LENG1: variants seen among roughly 807,000 people sequenced by gnomAD.
The protein encoded by LENG1 is leukocyte receptor cluster (LRC) member 1.
In LENG1, 35 loss-of-function variants were observed where a neutral mutation model predicts 28.8. The ratio of observed to expected loss-of-function variants is 1.22; its 90% CI spans 0.93 to 1.61. LENG1 has a LOEUF of 1.61. LENG1 is among the 40% of genes most tolerant of loss of function. LENG1 has a pLI of 0.00. For synonymous variants in LENG1, 170 were observed against 140.6 expected (o/e 1.21, Z -1.48); for missense variants, 404 against 348.9 (o/e 1.16, Z -1.26).
chr19:54,157,358 T>C (rs1258456523), intron 2 of LENG1, among the ~76,000 whole-genome samples: 4 of 152,106 alleles, frequency 2.6e-5, no homozygotes, highest in African/African-American at 9.7e-5. Context: ...AGCAGATAAA[T>C]GACAAGAGCT....
chr19:54,157,757 G>A (rs189120916), intron 2 of LENG1, among the ~76,000 whole-genome samples: 41 of 152,124 alleles, frequency 2.7e-4, no homozygotes, highest in African/African-American at 9.2e-4. Context: ...ATGGGGTCTC[G>A]CTCTGTCACC....
chr19:54,156,011 A>C (rs1440907167), intron 3 of LENG1, 71 bp from the exon 4 acceptor site: 1 of 1,388,014 alleles, frequency 7.2e-7, no homozygotes, highest in Non-Finnish European at 9.8e-7. Context: ...TCTCCCATAG[A>C]GGGAGCTGCC....
At chr19:54,156,042 C>T in intron 3 of LENG1, 102 bp from the exon 4 acceptor site, 1 of 998,434 alleles carries the variant, frequency 1.0e-6, no homozygotes, top group Non-Finnish European at 1.5e-6. Context: ...CCCGCTGCAT[C>T]CAGCACACCC....
rs756418210 is a variant in LENG1, at chr19:54,156,822, A to G, written c.516T>C (p.Gly172=). 18 of 1,488,786 alleles carry G rather than the reference A, an allele frequency of 1.2e-5. No individual in the cohort carries two copies. In the South Asian group the frequency reaches 1.2e-4, roughly 10 times the overall value. 92.2% of individuals were successfully genotyped at this position (1,488,786 alleles called of 1,614,324 possible). Residue 172 remains glycine (G), a synonymous_variant, in exon 3 of 4, where the codon GGT becomes GGC. Transcript: ENST00000222224. The part of the protein sequence containing the change: ...KHLGKKRQHG[G]DEGSRSRKEK... ...CCTTTCTGCTGCGACTGCCTTCATC[A>G]CCGCCGTGCTGTCTCTTCTTCCCCA...
In LENG1 at chr19:54,155,632, A is replaced by T; in HGVS notation, c.*89T>A. On this transcript the variant is annotated 3_prime_UTR_variant, in exon 4 of 4. Coordinates refer to ENST00000222224, the MANE Select transcript of LENG1 (RefSeq NM_024316.3). The stretch of plus-strand genomic sequence containing the variant: ...TCCCCAGTGAGGGACATTTTTTGGT[A>T]AACCTATTTTCATTTTGGAAAATAT... The T allele has an allele frequency of 1.5e-6, 2 of 1,324,692 alleles. No homozygotes were observed. Among genetic ancestry groups the T allele is most frequent in the East Asian group, 2.5e-5 (1 of 39,780 alleles). 82.1% of individuals were successfully genotyped at this position (1,324,692 alleles called of 1,614,324 possible).
chr19:54,155,824 G>C lies in LENG1; in HGVS notation c.692C>G (p.Pro231Arg), dbSNP rs375647598. The part of the protein sequence containing the change: ...VQGRALQEGQ[P>R]EEDETDDRRR... ...CCGGTCATCCGTCTCGTCTTCTTCC[G>C]GCTGACCCTCCTGTAGTGCCCGGCC... The change falls in exon 4 of 4, where the codon CCG becomes CGG. Residue 231 changes from proline to arginine, a missense_variant. Physicochemically the swap from Pro to Arg is moderately radical, Grantham distance 103. Coordinates refer to ENST00000222224, the MANE Select transcript of LENG1 (RefSeq NM_024316.3). The C allele has an allele frequency of 2.5e-6, 4 of 1,612,506 alleles. No homozygotes were observed. Among genetic ancestry groups the C allele is most frequent in the Non-Finnish European group, 2.5e-6 (3 of 1,179,822 alleles).
At position 54,156,801 on chromosome 19, in the gene LENG1, T is replaced by A; in HGVS notation, c.537A>T (p.Arg179Ser). The A allele has an allele frequency of 6.2e-7, 1 of 1,613,888 alleles. No individual in the cohort carries two copies. The highest frequency in any genetic ancestry group is 8.5e-7 in the Non-Finnish European group (1 of 1,179,874). Residue 179 changes from arginine to serine, a missense_variant, in exon 3 of 4, where the codon AGA becomes AGT. Physicochemically the swap from Arg to Ser is moderately radical, Grantham distance 110. Transcript: ENST00000222224. ...QHGGDEGSRS[R>S]KEKEGSEKQR... is the part of the protein sequence containing the mutation. ...GCTTCTCAGACCCCTCCTTTTCCTTTCTGCTGCGACTGCCTTCATCACCGC... is the reference window on the plus strand; with the variant it reads ...GCTTCTCAGACCCCTCCTTTTCCTTACTGCTGCGACTGCCTTCATCACCGC...
At chr19:54,156,732 G>A (rs762877664) in intron 3 of LENG1, 31 bp downstream of exon 3, 17 of 1,584,816 alleles carry the variant, frequency 1.1e-5, no homozygotes, top group Middle Eastern at 1.7e-4. Flanking sequence ...GAAGGTCTGG[G>A]CCCTGGTCTG....
Position 54,155,498 on chromosome 19 carries a change from C to T in LENG1, c.*223G>A. ...CTGCCCTGGAAGACTGGAGGGAGGCCCCAAGCCACGGGGCATCCCCCTCTC... is the reference window on the plus strand; with the variant it reads ...CTGCCCTGGAAGACTGGAGGGAGGCTCCAAGCCACGGGGCATCCCCCTCTC... On this transcript the variant is annotated 3_prime_UTR_variant, in exon 4 of 4. Coordinates refer to ENST00000222224, the MANE Select transcript of LENG1 (RefSeq NM_024316.3). The T allele has an allele frequency of 1.0e-6, 1 of 997,610 alleles. No individual in the cohort carries two copies. The highest frequency in any genetic ancestry group is 1.5e-6 in the Non-Finnish European group (1 of 679,112). The allele number at this position is 997,610 out of a possible 1,614,324, so 61.8% of individuals were successfully genotyped here. A position where few individuals can be genotyped will look rare whatever the true frequency, so the allele number is the denominator to read the frequency against.
chr19:54,157,005 C>T lies in LENG1; in HGVS notation c.333G>A (p.Leu111=), dbSNP rs754684450. The T allele has an allele frequency of 4.5e-6, 7 of 1,554,268 alleles. No homozygotes were observed. The highest frequency in any genetic ancestry group is 5.2e-6 in the Non-Finnish European group (6 of 1,149,508). Residue 111 remains leucine (L), a synonymous_variant, in exon 3 of 4, where the codon CTG becomes CTA. Coordinates refer to ENST00000222224, the MANE Select transcript of LENG1 (RefSeq NM_024316.3). Reference sequence around the variant, plus strand: ...TCTGGCCCAGGTATGTCAGGATGCCCAGAGCTTTCTCTTGCCTCTCCTGAG... The same window carrying T: ...TCTGGCCCAGGTATGTCAGGATGCCTAGAGCTTTCTCTTGCCTCTCCTGAG... ...RQEKERQEKA[L]GILTYLGQSA...
In LENG1 at chr19:54,155,604, C is replaced by T. The variant is rs2075362090; in HGVS notation, c.*117G>A. On this transcript the variant is annotated 3_prime_UTR_variant, in exon 4 of 4. Transcript: ENST00000222224. ...CGGGGGCGAGGGCTGCCCCCTCCTCCCCTCCCCAGTGAGGGACATTTTTTG... is the reference window on the plus strand; with the variant it reads ...CGGGGGCGAGGGCTGCCCCCTCCTCTCCTCCCCAGTGAGGGACATTTTTTG... 1.7e-6 allele frequency: 2 copies of T among 1,161,796 alleles called. No individual in the cohort carries two copies. Among genetic ancestry groups the T allele is most frequent in the Non-Finnish European group, 2.4e-6 (2 of 827,312 alleles). 72.0% of individuals were successfully genotyped at this position (1,161,796 alleles called of 1,614,324 possible).
chr19:54,155,960 G>A lies in LENG1; in HGVS notation c.576-20C>T, dbSNP rs757433340. 2 of 1,590,350 alleles carry A rather than the reference G, an allele frequency of 1.3e-6. No homozygotes were observed. Among genetic ancestry groups the A allele is most frequent in the East Asian group, 4.5e-5 (2 of 44,300 alleles). ...GGAGGCCTGTGGGGAGAGGAGTGAG[G>A]TCAGAAAGCTGGTAGCCCCTAGGAG... is the stretch of plus-strand genomic sequence containing the variant. On this transcript the variant is annotated intron_variant, in intron 3 of 3. Coordinates refer to ENST00000222224, the MANE Select transcript of LENG1 (RefSeq NM_024316.3).
intron 1 of LENG1, among the ~76,000 whole-genome samples, 165 bp downstream of exon 1, chr19:54,159,399 G>A (rs892958285): frequency 9.2e-5 from 14 of 152,248 alleles, no homozygotes; most frequent in African/African-American, 3.4e-4. Flanking sequence ...TCGTGGAAGT[G>A]GGCACAAGGT....
rs765201162 is a variant in LENG1 at position 54,155,934 on chromosome 19, T to C, written c.582A>G (p.Pro194=). 3.6e-5 allele frequency: 58 copies of C among 1,606,746 alleles called. No individual in the cohort carries two copies. The South Asian group carries it at 6.2e-4, about 17-fold the overall frequency. ...GTTCAGCTCGAAGCTGGTCCAGGGATGGAGGCCTGTGGGGAGAGGAGTGAG... is the reference window on the plus strand; with the variant it reads ...GTTCAGCTCGAAGCTGGTCCAGGGACGGAGGCCTGTGGGGAGAGGAGTGAG... The part of the protein sequence containing the change: ...GSEKQRPKEP[P]SLDQLRAERL... The change falls in exon 4 of 4, where the codon CCA becomes CCG. Residue 194 remains proline, a synonymous_variant. Transcript: ENST00000222224.
rs2075354539 is a variant in LENG1 at position 54,155,415 on chromosome 19, C to A, written c.*306G>T. On this transcript the variant is annotated 3_prime_UTR_variant, in exon 4 of 4. Transcript: ENST00000222224. ...GACCGGGACCTCCAGTGACACCGGC[C>A]CCTCCCTCTACCCACCCCCTTCCCC... The A allele has an allele frequency of 5.7e-6, 9 of 1,567,480 alleles. No homozygotes were observed. Among genetic ancestry groups the A allele is most frequent in the Non-Finnish European group, 7.8e-6 (9 of 1,147,346 alleles).
intron 1 of LENG1, among the ~76,000 whole-genome samples, chr19:54,159,089 C>G (rs1234052212): frequency 6.6e-6 from 1 of 152,242 alleles, no homozygotes. Context: ...TAAAATGTGC[C>G]TTCCCCTCAC....
intron 3 of LENG1, among the ~76,000 whole-genome samples, 162 bp from the exon 4 acceptor site, chr19:54,156,102 G>A (rs1355943053): frequency 6.6e-6 from 1 of 152,214 alleles, no homozygotes; most frequent in African/African-American, 2.4e-5. Context: ...GTGCTGGGAC[G>A]CCATGGGCAC....
In LENG1 at chr19:54,155,813, C is replaced by A. The variant is rs757171818; in HGVS notation, c.703G>T (p.Glu235Ter). Residue 235 changes from glutamate (E) to a stop codon, truncating the protein, a stop_gained, in exon 4 of 4, where the codon GAG (glutamate) becomes TAG (stop). Transcript: ENST00000222224. LOFTEE classifies it high-confidence loss of function. ...ALQEGQPEED[E>*]TDDRRRRYNS... ...TACCGCCGCCGCCGGTCATCCGTCT[C>A]GTCTTCTTCCGGCTGACCCTCCTGT... 3.7e-6 allele frequency: 6 copies of A among 1,612,404 alleles called. No individual in the cohort carries two copies. In the Admixed American group the frequency reaches 8.3e-5, roughly 22 times the overall value.
Position 54,155,467 on chromosome 19 carries a change from A to AG in LENG1, c.*253dup, listed in dbSNP as rs2075356754. 1 of 1,152,732 alleles carries AG rather than the reference A, an allele frequency of 8.7e-7. No homozygotes were observed. Among genetic ancestry groups the AG allele is most frequent in the Non-Finnish European group, 1.2e-6 (1 of 804,558 alleles). The allele number at this position is 1,152,732 out of a possible 1,614,324, so 71.4% of individuals were successfully genotyped here. A position where few individuals can be genotyped will look rare whatever the true frequency, so the allele number is the denominator to read the frequency against. ...GCATGCTGATCCCCCTGCCCAGGTG[A>AG]GGGCCCTGCCCTGGAAGACTGGAGG... On this transcript the variant is annotated 3_prime_UTR_variant, in exon 4 of 4. Coordinates refer to ENST00000222224, the MANE Select transcript of LENG1 (RefSeq NM_024316.3).
Sources: gnomAD v4.1 joint callset for allele counts (sites outside exome capture counted in the v4.1 genomes callset) on GRCh38, gnomAD v4.1.1 for gene constraint, MANE v1.5 for transcripts, NCBI Gene and HGNC (gene_info 2026-07-23, HGNC 2026-07-21) for gene names.